MYH6: variants seen among roughly 807,000 people sequenced by gnomAD.
The protein encoded by MYH6 is myosin heavy chain 6.
A neutral mutation model predicts 223.2 loss-of-function variants in MYH6; 126 were observed. That is an observed-to-expected ratio of 0.56 (90% CI 0.49 to 0.65). The LOEUF (loss-of-function observed/expected upper bound fraction) is 0.65, where lower values mean the gene tolerates loss of function less well. Among genes scored for constraint, MYH6 ranks in the 30% least tolerant of loss-of-function variants. MYH6 has a pLI of 0.00. For missense variants in MYH6, 2,040 were observed against 2,536.4 expected (o/e 0.80, Z 4.20); for synonymous variants, 978 against 1,010.2 (o/e 0.97, Z 0.61).
At chr14:23,383,185 A>C (rs1215570392) in intron 37 of MYH6, 40 bp downstream of exon 37, 1 of 1,497,090 alleles carries the variant, frequency 6.7e-7, no homozygotes, top group Non-Finnish European at 9.3e-7. Flanking sequence ...CACAAATAGT[A>C]GGTGTGTTGA....
Position 23,396,946 on chromosome 14 carries a change from G to T in MYH6, c.2168+17C>A, listed in dbSNP as rs192337153. ...GCTCCCCCTGTTCTATGAGCTCTGG[G>T]GCACCCTCATACCCACCTCTGCCGG... On this transcript the variant is annotated intron_variant, in intron 18 of 38. Transcript: ENST00000405093. The T allele has an allele frequency of 9.4e-4, 1,520 of 1,612,328 alleles. 16 individuals carry two copies. The African/African-American group carries it at 0.016, about 17-fold the overall frequency.
intron 12 of MYH6, 58 bp downstream of exon 12, chr14:23,402,406 G>T (rs141917080): frequency 2.5e-6 from 4 of 1,606,898 alleles, no homozygotes; most frequent in South Asian, 1.1e-5. Flanking sequence ...TCTGAGTCCC[G>T]CAGAGAGCCT....
At chr14:23,397,837 G>A (rs1891444175) in intron 15 of MYH6, among the ~76,000 whole-genome samples, 1 of 151,916 alleles carries the variant, frequency 6.6e-6, no homozygotes, top group African/African-American at 2.4e-5. Context: ...CCCATAGTAG[G>A]CACTGACATA....
chr14:23,384,233 T>C (rs1399687292), intron 36 of MYH6, among the ~76,000 whole-genome samples: 1 of 150,876 alleles, frequency 6.6e-6, no homozygotes, highest in African/African-American at 2.4e-5. Flanking sequence ...GAAAGACTAG[T>C]TAGAAGAGTT....
chr14:23,392,736 A>C, intron 24 of MYH6, 84 bp from the exon 25 acceptor site: 1 of 1,449,584 alleles, frequency 6.9e-7, no homozygotes, highest in Non-Finnish European at 9.7e-7. Context: ...TTAGTATGCC[A>C]GAATCGGCAC....
Position 23,383,423 on chromosome 14 carries a change from C to T in MYH6, c.5566-103G>A, listed in dbSNP as rs555206299. On this transcript the variant is annotated intron_variant, in intron 36 of 38. Coordinates refer to ENST00000405093, the MANE Select transcript of MYH6 (RefSeq NM_002471.4). ...TCTTCTCCCCTTGCCTTTGCTGCCC[C>T]TCCCTGCAATGATCCAGGTCAAAGA... 1.1e-4 allele frequency: 96 copies of T among 905,908 alleles called. No individual in the cohort carries two copies. In the South Asian group the frequency reaches 1.3e-3, roughly 13 times the overall value. The allele number at this position is 905,908 out of a possible 1,614,324, so 56.1% of individuals were successfully genotyped here.
chr14:23,400,156 G>T (rs1237555883), intron 14 of MYH6, 100 bp downstream of exon 14: 1 of 1,573,802 alleles, frequency 6.4e-7, no homozygotes, highest in Non-Finnish European at 8.7e-7. Context: ...AAAGGCCTGG[G>T]ATTCTTGGGA....
In MYH6 at chr14:23,400,237, G is replaced by C. The variant is rs201495432; in HGVS notation, c.1581+19C>G. Reference sequence around the variant, plus strand: ...GGATGGCAGAGGAGGGGGCATAGGTGGTGAGGCCAAGGAGGCACCTTCTCG... The same window carrying C: ...GGATGGCAGAGGAGGGGGCATAGGTCGTGAGGCCAAGGAGGCACCTTCTCG... On this transcript the variant is annotated intron_variant, in intron 14 of 38. Transcript: ENST00000405093. 177 of 1,614,200 alleles carry C rather than the reference G, an allele frequency of 1.1e-4. No homozygotes were observed. In the African/African-American group the frequency reaches 1.9e-3, roughly 17 times the overall value.
chr14:23,389,380 C>T lies in MYH6; in HGVS notation c.3978+13G>A. On this transcript the variant is annotated intron_variant, in intron 28 of 38. Transcript: ENST00000405093. Reference sequence around the variant, plus strand: ...TGCCATCAAGCCTGCCCACCCTCCCCACTGGGCCTCACCTTGCCCTCCTCC... The same window carrying T: ...TGCCATCAAGCCTGCCCACCCTCCCTACTGGGCCTCACCTTGCCCTCCTCC... The T allele has an allele frequency of 3.1e-6, 5 of 1,613,506 alleles. No homozygotes were observed. The highest frequency in any genetic ancestry group is 4.2e-6 in the Non-Finnish European group (5 of 1,179,366).
chr14:23,394,351 G>T, intron 20 of MYH6, 28 bp from the exon 21 acceptor site: 1 of 1,613,866 alleles, frequency 6.2e-7, no homozygotes, highest in Non-Finnish European at 8.5e-7. Context: ...AGGCAGGGTG[G>T]GGCACTATAA....
intron 12 of MYH6, 97 bp downstream of exon 12, chr14:23,402,367 C>T (rs1425640000): frequency 7.0e-6 from 11 of 1,573,116 alleles, no homozygotes; most frequent in Admixed American, 1.7e-5. Context: ...ACACACCCCA[C>T]TGCCCCACAA....
chr14:23,386,594 G>A lies in MYH6; in HGVS notation c.4680C>T (p.Ile1560=). 2 of 1,547,932 alleles carry A rather than the reference G, an allele frequency of 1.3e-6. No homozygotes were observed. The highest frequency in any genetic ancestry group is 1.4e-5 in the African/African-American group (1 of 73,200). The stretch of plus-strand genomic sequence containing the variant: ...GGTTGAACTCTAGCTGGGCCCGGAG[G>A]ATCTTGCCCTCCTCGTGCTCCAGGG... ...EASLEHEEGK[I]LRAQLEFNQI... is the part of the protein sequence containing the mutation. The change falls in exon 33 of 39, where the codon ATC becomes ATT. Residue 1560 remains isoleucine, a synonymous_variant. Coordinates refer to ENST00000405093, the MANE Select transcript of MYH6 (RefSeq NM_002471.4).
chr14:23,386,072 G>A lies in MYH6; in HGVS notation c.5019C>T (p.Ile1673=), dbSNP rs397516773. 5.0e-6 allele frequency: 8 copies of A among 1,614,096 alleles called. No individual in the cohort carries two copies. Among genetic ancestry groups the A allele is most frequent in the East Asian group, 4.5e-5 (2 of 44,898 alleles). Reference sequence around the variant, plus strand: ...GGTTGTTGCGCCGCTCCACGATGGCGATGTTCTCCTTCAGGTCGTCGTTGG... The same window carrying A: ...GGTTGTTGCGCCGCTCCACGATGGCAATGTTCTCCTTCAGGTCGTCGTTGG... The part of the protein sequence containing the change: ...VRANDDLKEN[I]AIVERRNNLL... The change falls in exon 34 of 39, where the codon ATC becomes ATT. Residue 1673 remains isoleucine (I), a synonymous_variant. Coordinates refer to ENST00000405093, the MANE Select transcript of MYH6 (RefSeq NM_002471.4).
chr14:23,400,593 C>A, intron 13 of MYH6, 116 bp downstream of exon 13: 1 of 1,588,850 alleles, frequency 6.3e-7, no homozygotes, highest in Non-Finnish European at 8.6e-7. Context: ...GCCTCTGTCA[C>A]CACACAGTCC....
chr14:23,403,109 G>A (rs1408805872), intron 10 of MYH6, among the ~76,000 whole-genome samples: 1 of 152,040 alleles, frequency 6.6e-6, no homozygotes, highest in African/African-American at 2.4e-5. Context: ...CAAGCCGAGG[G>A]AGGAGTGGAG....
rs907919078 is a variant in MYH6 at position 23,388,085 on chromosome 14, T to C, written c.4359+70A>G. 3.2e-5 allele frequency: 52 copies of C among 1,610,976 alleles called. No homozygotes were observed. In the Admixed American group the frequency reaches 5.8e-4, roughly 18 times the overall value. ...TCCTCCACCTCCAAGGAGGTTGCCT[T>C]TGGCCTCTCACTGAACCCCTCATGC... On this transcript the variant is annotated intron_variant, in intron 30 of 38. Transcript: ENST00000405093.
Position 23,390,410 on chromosome 14 carries a change from C to G in MYH6, c.3379G>C (p.Glu1127Gln). The G allele has an allele frequency of 6.2e-7, 1 of 1,611,576 alleles. No homozygotes were observed. Among genetic ancestry groups the G allele is most frequent in the Non-Finnish European group, 8.5e-7 (1 of 1,179,674 alleles). The change falls in exon 26 of 39, where the codon GAG becomes CAG. Residue 1127 changes from glutamate to glutamine, a missense_variant. Glu to Gln is a conservative substitution (Grantham distance 29). Around this residue, in one of 4 missense-constraint regions of MYH6, gnomAD observed 1,203 missense variants for 1,400.2 expected, o/e 0.86. Coordinates refer to ENST00000405093, the MANE Select transcript of MYH6 (RefSeq NM_002471.4). Reference sequence around the variant, plus strand: ...TCCACCTTAGCCCTGGCGGTGCGCTCGGCCTCCAGCTCCTCCTCCAGCTCC... The same window carrying G: ...TCCACCTTAGCCCTGGCGGTGCGCTGGGCCTCCAGCTCCTCCTCCAGCTCC... ...IEELEEELEA[E>Q]RTARAKVEKL...
At position 23,384,936 on chromosome 14, in the gene MYH6, C is replaced by G; in HGVS notation, c.5269G>C (p.Ala1757Pro). The G allele has an allele frequency of 6.2e-7, 1 of 1,614,200 alleles. No individual in the cohort carries two copies. Among genetic ancestry groups the G allele is most frequent in the Non-Finnish European group, 8.5e-7 (1 of 1,180,042 alleles). The change falls in exon 35 of 39, where the codon GCC (alanine) becomes CCC (proline). Residue 1757 changes from alanine (A) to proline (P), a missense_variant. By Grantham distance (27) the Ala-to-Pro change is conservative (BLOSUM62 -1). Transcript: ENST00000405093. Reference sequence around the variant, plus strand: ...CTTACATCCGTGATGGCCTTCTTGGCCTTCTCCTCGGCGTTTCTGCACTCC... The same window carrying G: ...CTTACATCCGTGATGGCCTTCTTGGGCTTCTCCTCGGCGTTTCTGCACTCC... ...VQECRNAEEK[A>P]KKAITDAAMM... is the part of the protein sequence containing the mutation.
At position 23,403,845 on chromosome 14, in the gene MYH6, T is replaced by G. The variant is rs1227221068; in HGVS notation, c.736-67A>C. ...ACAGAGTGAAATCCTGGCCCTCTGTTCAGCCCAGAAGCCCTGGATGGTTCT... is the reference window on the plus strand; with the variant it reads ...ACAGAGTGAAATCCTGGCCCTCTGTGCAGCCCAGAAGCCCTGGATGGTTCT... On this transcript the variant is annotated intron_variant, in intron 8 of 38. Transcript: ENST00000405093. 5 of 1,388,156 alleles carry G rather than the reference T, an allele frequency of 3.6e-6. No homozygotes were observed. In the East Asian group the frequency reaches 1.2e-4, roughly 34 times the overall value. The allele number at this position is 1,388,156 out of a possible 1,614,324, so 86.0% of individuals were successfully genotyped here.
Sources: gnomAD v4.1 joint callset for allele counts (sites outside exome capture counted in the v4.1 genomes callset) on GRCh38, gnomAD v4.1.1 for gene constraint, gnomAD v4.1.1 regional missense constraint, MANE v1.5 for transcripts, NCBI Gene and HGNC (gene_info 2026-07-23, HGNC 2026-07-21) for gene names.